Variants in IMPDH2 observed in about 807,000 individuals in gnomAD.
IMPDH2 encodes the protein inosine monophosphate dehydrogenase 2.
In IMPDH2, 33 loss-of-function variants were observed where a neutral mutation model predicts 57.8. That is an observed-to-expected ratio of 0.57 (90% CI 0.43 to 0.76). The LOEUF (loss-of-function observed/expected upper bound fraction) is 0.76, where lower values mean the gene tolerates loss of function less well. Ranked by LOEUF, IMPDH2 falls within the 30% of genes least tolerant of loss-of-function variation. The probability of loss-of-function intolerance (pLI) is 0.00; values close to 1 mark genes in which losing one functional copy is unlikely to be tolerated. For missense variants in IMPDH2, 446 were observed against 659.1 expected (o/e 0.68, Z 3.54); for synonymous variants, 270 against 241.3 (o/e 1.12, Z -1.10).
chr3:49,025,123 C>T lies in IMPDH2; in HGVS notation c.1150+3G>A. The stretch of plus-strand genomic sequence containing the variant: ...ACTGGCCTTCACGGGTACTGGGCCT[C>T]ACCTGTGGAGGCCCCAAGGGCCAAG... On this transcript the variant is annotated splice_donor_region_variant and intron_variant, in intron 10 of 13. Coordinates refer to ENST00000326739, the MANE Select transcript of IMPDH2 (RefSeq NM_000884.3). 2 of 1,614,230 alleles carry T rather than the reference C, an allele frequency of 1.2e-6. No homozygotes were observed. The highest frequency in any genetic ancestry group is 1.6e-4 in the Middle Eastern group (1 of 6,062).
At position 49,028,788 on chromosome 3, in the gene IMPDH2, A is replaced by T; in HGVS notation, c.117T>A (p.Pro39=). ...GGTCTGCAGTGAAGTCGATGTACCC[A>T]GGGAGAATGAGAAAGTCACTGCGAG... ...GLTYNDFLIL[P]GYIDFTADQV... The change falls in exon 2 of 14, where the codon CCT becomes CCA. Residue 39 remains proline (P), a synonymous_variant. Transcript: ENST00000326739. 6.2e-7 allele frequency: 1 copy of T among 1,613,920 alleles called. No homozygotes were observed. Among genetic ancestry groups the T allele is most frequent in the Non-Finnish European group, 8.5e-7 (1 of 1,179,786 alleles).
In IMPDH2 at chr3:49,026,861, A is replaced by G. The variant is rs769420390; in HGVS notation, c.645T>C (p.Asp215=). The part of the protein sequence containing the change: ...KKGKLPIVNE[D]DELVAIIART... ...GGGCAATGATGGCCACAAGCTCATC[A>G]TCTTCATTTACAATGGGCAACTTTC... Residue 215 remains aspartate (D), a synonymous_variant, in exon 7 of 14, where the codon GAT becomes GAC. Coordinates refer to ENST00000326739, the MANE Select transcript of IMPDH2 (RefSeq NM_000884.3). 1 of 1,614,228 alleles carries G rather than the reference A, an allele frequency of 6.2e-7. No homozygotes were observed. Among genetic ancestry groups the G allele is most frequent in the Non-Finnish European group, 8.5e-7 (1 of 1,180,046 alleles).
chr3:49,025,867 C>A, intron 9 of IMPDH2: 1 of 423,464 alleles, frequency 2.4e-6, no homozygotes, highest in Non-Finnish European at 4.7e-6. Context: ...CACCCCCAAA[C>A]CATGGTCTGT....
intron 7 of IMPDH2, 37 bp downstream of exon 7, chr3:49,026,650 G>T: frequency 6.2e-7 from 1 of 1,611,098 alleles, no homozygotes; most frequent in Non-Finnish European, 8.5e-7. Context: ...TGTGGCAGCT[G>T]CCCCTATTGC....
At chr3:49,025,484 G>GCA in intron 9 of IMPDH2, 1 of 578,488 alleles carries the variant, frequency 1.7e-6, no homozygotes, top group Non-Finnish European at 3.1e-6. Context: ...ATGTGCACGT[G>GCA]CATGTGTGCA....
rs1213501136 is a variant in IMPDH2 at position 49,026,777 on chromosome 3, C to CTGTTTCTT, written c.721_728dup (p.Leu244ArgfsTer30). On this transcript the variant is annotated frameshift_variant, in exon 7 of 14. Coordinates refer to ENST00000326739, the MANE Select transcript of IMPDH2 (RefSeq NM_000884.3). LOFTEE classifies it high-confidence loss of function. Reference sequence around the variant, plus strand: ...TGCCAATGGCTGCCCCACACAGCAGCTGTTTCTTGGCATCTTTGGAGGCTA... The same window carrying CTGTTTCTT: ...TGCCAATGGCTGCCCCACACAGCAGCTGTTTCTTTGTTTCTTGGCATCTTTGGAGGCTA... 13 of 1,614,138 alleles carry CTGTTTCTT rather than the reference C, an allele frequency of 8.1e-6. No homozygotes were observed. The highest frequency in any genetic ancestry group is 1.3e-5 in the African/African-American group (1 of 74,946).
intron 1 of IMPDH2, 28 bp from the exon 2 acceptor site, chr3:49,028,834 T>G (rs1250806531): frequency 6.3e-7 from 1 of 1,597,400 alleles, no homozygotes; most frequent in East Asian, 2.2e-5. Flanking sequence ...GAATTGGGAG[T>G]AAAGCTCTCA....
At chr3:49,025,737 G>A (rs755445517) in intron 9 of IMPDH2, among the ~76,000 whole-genome samples, 2 of 152,244 alleles carry the variant, frequency 1.3e-5, no homozygotes. Context: ...ACCACACAAA[G>A]GAGTTGGTCC....
In IMPDH2 at chr3:49,025,211, C is replaced by CCGTG. The variant is rs1444656630; in HGVS notation, c.1061_1064dup (p.Arg356ThrfsTer10). 1.3e-5 allele frequency: 21 copies of CCGTG among 1,614,110 alleles called. No homozygotes were observed. The highest frequency in any genetic ancestry group is 1.8e-5 in the Non-Finnish European group (21 of 1,180,044). On this transcript the variant is annotated frameshift_variant, in exon 10 of 14. Transcript: ENST00000326739. LOFTEE classifies it high-confidence loss of function. Reference sequence around the variant, plus strand: ...CAGCAATGACCGGAACACCAAAGCGCCGTGCATACTCTGACACCTTGTACA... The same window carrying CCGTG: ...CAGCAATGACCGGAACACCAAAGCGCCGTGCGTGCATACTCTGACACCTTGTACA...
rs1275707815 is a variant in IMPDH2 at position 49,025,155 on chromosome 3, G to A, written c.1121C>T (p.Ala374Val). The change falls in exon 10 of 14, where the codon GCG (alanine) becomes GTG (valine). Residue 374 changes from alanine to valine, a missense_variant. Coordinates refer to ENST00000326739, the MANE Select transcript of IMPDH2 (RefSeq NM_000884.3). ...GGAGGCCCCAAGGGCCAAGGCTTTCGCAATATGACCCACATTTTGGATTCC... is the reference window on the plus strand; with the variant it reads ...GGAGGCCCCAAGGGCCAAGGCTTTCACAATATGACCCACATTTTGGATTCC... ...DGGIQNVGHI[A>V]KALALGASTV... 8.7e-6 allele frequency: 14 copies of A among 1,614,072 alleles called. No individual in the cohort carries two copies. Among genetic ancestry groups the A allele is most frequent in the Admixed American group, 1.7e-5 (1 of 60,006 alleles).
At chr3:49,028,880 A>C in intron 1 of IMPDH2, 74 bp from the exon 2 acceptor site, 4 of 1,175,072 alleles carry the variant, frequency 3.4e-6, no homozygotes, top group Non-Finnish European at 5.1e-6. Context: ...CCCATGTACC[A>C]ATCAACCCGT....
chr3:49,025,211 C>T lies in IMPDH2; in HGVS notation c.1065G>A (p.Arg355=), dbSNP rs2093192960. The change falls in exon 10 of 14, where the codon CGG becomes CGA. Residue 355 remains arginine (R), a synonymous_variant. Transcript: ENST00000326739. ...TAVYKVSEYA[R]RFGVPVIADG... is the part of the protein sequence containing the mutation. ...CAGCAATGACCGGAACACCAAAGCG[C>T]CGTGCATACTCTGACACCTTGTACA... is the stretch of plus-strand genomic sequence containing the variant. 1 of 1,614,228 alleles carries T rather than the reference C, an allele frequency of 6.2e-7. No homozygotes were observed. The highest frequency in any genetic ancestry group is 1.6e-4 in the Middle Eastern group (1 of 6,062).
chr3:49,028,069 G>A, intron 4 of IMPDH2, 153 bp from the exon 5 acceptor site: 3 of 779,874 alleles, frequency 3.8e-6, no homozygotes, highest in Non-Finnish European at 6.4e-6. Context: ...GTAGGCTGGA[G>A]GCACTGTACA....
rs2093216107 is a variant in IMPDH2 at position 49,029,366 on chromosome 3, C to T, written c.-16G>A. On this transcript the variant is annotated 5_prime_UTR_variant, in exon 1 of 14. It adds an upstream start codon to the 5' untranslated region. Coordinates refer to ENST00000326739, the MANE Select transcript of IMPDH2 (RefSeq NM_000884.3). ...AGTCGGCCATGGCCAACACAGGACA[C>T]CGCCGCGTGTCTCCGAGGACCGCGC... is the stretch of plus-strand genomic sequence containing the variant. 6.5e-7 allele frequency: 1 copy of T among 1,548,524 alleles called. No homozygotes were observed. Among genetic ancestry groups the T allele is most frequent in the East Asian group, 2.3e-5 (1 of 43,284 alleles).
At chr3:49,028,108 C>T in intron 4 of IMPDH2, 140 bp downstream of exon 4, 1 of 831,316 alleles carries the variant, frequency 1.2e-6, no homozygotes, top group Non-Finnish European at 2.0e-6. Flanking sequence ...CTTTAAGAAA[C>T]AGAATCTCAG....
rs945274890 is a variant in IMPDH2 at position 49,027,835 on chromosome 3, G to A, written c.406C>T (p.Arg136Trp). 15 of 1,614,070 alleles carry A rather than the reference G, an allele frequency of 9.3e-6. No individual in the cohort carries two copies. The highest frequency in any genetic ancestry group is 8.9e-5 in the East Asian group (4 of 44,904). ...RVRDVFEAKA[R>W]HGFCGIPITD... ...ATTGGGATACCGCAGAAACCATGCC[G>A]GGCCTTGGCCTCAAAAACATCCCGC... The change falls in exon 5 of 14, where the codon CGG becomes TGG. Residue 136 changes from arginine to tryptophan, a missense_variant. Transcript: ENST00000326739.
At chr3:49,026,282 G>T in intron 9 of IMPDH2, 42 bp downstream of exon 9, 1 of 1,406,426 alleles carries the variant, frequency 7.1e-7, no homozygotes, top group Non-Finnish European at 9.9e-7. Context: ...TGTGGGGCCT[G>T]AAACTGGGGT....
Position 49,029,363 on chromosome 3 carries a change from A to G in IMPDH2, c.-13T>C. The G allele has an allele frequency of 6.4e-7, 1 of 1,561,472 alleles. No individual in the cohort carries two copies. Among genetic ancestry groups the G allele is most frequent in the Non-Finnish European group, 8.7e-7 (1 of 1,146,352 alleles). ...GGTAGTCGGCCATGGCCAACACAGG[A>G]CACCGCCGCGTGTCTCCGAGGACCG... On this transcript the variant is annotated 5_prime_UTR_variant, in exon 1 of 14. Transcript: ENST00000326739.
At chr3:49,025,572 G>C (rs1480057458) in intron 9 of IMPDH2, among the ~76,000 whole-genome samples, 2 of 152,330 alleles carry the variant, frequency 1.3e-5, no homozygotes, top group Non-Finnish European at 2.9e-5. Flanking sequence ...GATGGGGCAG[G>C]AGTCACCGTG....
Sources: allele counts gnomAD v4.1 joint callset (sites outside exome capture counted in the v4.1 genomes callset), GRCh38; gene constraint gnomAD v4.1.1; transcripts MANE v1.5; gene names NCBI Gene and HGNC (gene_info 2026-07-23, HGNC 2026-07-21).